Variants in LYSMD4 observed in about 807,000 individuals in gnomAD.
The protein encoded by LYSMD4 is LysM domain containing 4, also known as lysM and putative peptidoglycan-binding domain-containing protein 4.
A neutral mutation model predicts 6.1 loss-of-function variants in LYSMD4; 9 were observed. The observed-to-expected ratio is 1.47, with a 90% confidence interval of 0.88 to 2.56. The LOEUF (loss-of-function observed/expected upper bound fraction) is 2.56. Ranked by LOEUF, LYSMD4 falls within the 30% of genes most tolerant of loss-of-function variation. The probability of loss-of-function intolerance (pLI) is 0.00; values close to 1 mark genes in which losing one functional copy is unlikely to be tolerated. For synonymous variants in LYSMD4, 143 were observed against 148.5 expected (o/e 0.96, Z 0.27); for missense variants, 384 against 373.5 (o/e 1.03, Z -0.23).
downstream of LYSMD4, among the ~76,000 whole-genome samples, chr15:99,723,583 C>T (rs1181564328): frequency 6.6e-6 from 1 of 152,210 alleles, no homozygotes; most frequent in Non-Finnish European, 1.5e-5. Context: ...CTGGCCTGAG[C>T]GTGCCCCTGG....
At position 99,733,378 on chromosome 15, in the gene LYSMD4, GGCGACTC is replaced by G. The variant is rs999052912; in HGVS notation, c.-49_-43del. The G allele has an allele frequency of 3.5e-5, 14 of 395,212 alleles. No homozygotes were observed. Among genetic ancestry groups the G allele is most frequent in the African/African-American group, 2.1e-4 (10 of 48,376 alleles). 24.5% of individuals were successfully genotyped at this position (395,212 alleles called of 1,614,324 possible). ...CCAGGCTCCGCCGCGACCGGCGACCGGCGACTCGCGACCCGCGACCCGCGACCCGCAG... is the reference window on the plus strand; with the variant it reads ...CCAGGCTCCGCCGCGACCGGCGACCGGCGACCCGCGACCCGCGACCCGCAG... On this transcript the variant is annotated 5_prime_UTR_variant, in exon 1 of 3. Coordinates refer to ENST00000684762, the MANE Select transcript of LYSMD4 (RefSeq NM_001284417.2).
chr15:99,731,975 T>C lies in LYSMD4; in HGVS notation c.25A>G (p.Lys9Glu). 6.3e-7 allele frequency: 1 copy of C among 1,589,394 alleles called. No individual in the cohort carries two copies. The highest frequency in any genetic ancestry group is 2.3e-5 in the East Asian group (1 of 44,228). The change falls in exon 2 of 3, where the codon AAG (lysine) becomes GAG (glutamate). Residue 9 changes from lysine to glutamate, a missense_variant. Physicochemically the swap from Lys to Glu is moderately conservative, Grantham distance 56. Coordinates refer to ENST00000684762, the MANE Select transcript of LYSMD4 (RefSeq NM_001284417.2). ...ACAACAGCTGGGCCTTGGAAGGTCT[T>C]GGTTAACAATTCCTCGTGCCTCATT... The part of the protein sequence containing the change: MRHEELLT[K>E]TFQGPAVVCG...
chr15:99,731,901 C>T lies in LYSMD4; in HGVS notation c.99G>A (p.Gly33=). The change falls in exon 2 of 3, where the codon GGG becomes GGA. Residue 33 remains glycine (G), a synonymous_variant. Transcript: ENST00000684762. ...CTTCTTCAGAAGAGTCCCCCGAGTCCCCACTGCCATTCTTAAACATGTATA... is the reference window on the plus strand; with the variant it reads ...CTTCTTCAGAAGAGTCCCCCGAGTCTCCACTGCCATTCTTAAACATGTATA... ...SHVYMFKNGS[G]DSGDSSEEES... 1 of 1,613,576 alleles carries T rather than the reference C, an allele frequency of 6.2e-7. No homozygotes were observed. Among genetic ancestry groups the T allele is most frequent in the Middle Eastern group, 1.7e-4 (1 of 6,048 alleles).
intron 1 of LYSMD4, chr15:99,733,036 A>C: frequency 3.5e-6 from 1 of 286,998 alleles, no homozygotes; most frequent in Non-Finnish European, 6.5e-6. Flanking sequence ...CTTCTGCGAA[A>C]AGATGGGGCA....
chr15:99,716,418 A>G (rs769332815), exon 1 of LYSMD4: 19 of 435,136 alleles, frequency 4.4e-5, no homozygotes, highest in Admixed American at 2.5e-4. Flanking sequence ...GGTGAAGACA[A>G]TGCTAAAGGT....
Position 99,731,964 on chromosome 15 carries a change from T to C in LYSMD4, c.36A>G (p.Gln12=). 1 of 1,599,606 alleles carries C rather than the reference T, an allele frequency of 6.3e-7. No individual in the cohort carries two copies. The highest frequency in any genetic ancestry group is 2.2e-5 in the East Asian group (1 of 44,526). ...RHEELLTKTF[Q]GPAVVCGTPT... is the part of the protein sequence containing the mutation. ...GAGTCCCACACACAACAGCTGGGCC[T>C]TGGAAGGTCTTGGTTAACAATTCCT... Residue 12 remains glutamine, a synonymous_variant, in exon 2 of 3, where the codon CAA becomes CAG. Coordinates refer to ENST00000684762, the MANE Select transcript of LYSMD4 (RefSeq NM_001284417.2).
chr15:99,716,624 T>C (rs1177462077), exon 1 of LYSMD4: 3 of 456,564 alleles, frequency 6.6e-6, no homozygotes, highest in Non-Finnish European at 1.3e-5. Context: ...TTTCTCTGGG[T>C]TGAGACAGGG....
In LYSMD4 at chr15:99,728,906, G is replaced by A. The variant is rs894263454; in HGVS notation, c.*217C>T. On this transcript the variant is annotated 3_prime_UTR_variant, in exon 3 of 3. Transcript: ENST00000684762. ...ATGGCTCTCTTGCTGCACCTCTCTG[G>A]ATAGGGGCCGAGGTCGCTGCTGTTT... is the stretch of plus-strand genomic sequence containing the variant. The A allele has an allele frequency of 4.8e-6, 3 of 619,038 alleles. No homozygotes were observed. Among genetic ancestry groups the A allele is most frequent in the Non-Finnish European group, 8.4e-6 (3 of 357,476 alleles). The allele number at this position is 619,038 out of a possible 1,614,324, so 38.3% of individuals were successfully genotyped here. A position where few individuals can be genotyped will look rare whatever the true frequency, so the allele number is the denominator to read the frequency against.
At chr15:99,716,489 C>T (rs1190892979) in exon 1 of LYSMD4, 6 of 456,708 alleles carry the variant, frequency 1.3e-5, no homozygotes, top group South Asian at 3.1e-5. Flanking sequence ...TCTTCCTGTG[C>T]GTCGAGACTC....
At chr15:99,721,241 T>C (rs1328338054), upstream of LYSMD4, among the ~76,000 whole-genome samples, 1 of 152,124 alleles carries the variant, frequency 6.6e-6, no homozygotes, top group Non-Finnish European at 1.5e-5. Flanking sequence ...AGAAGATCTG[T>C]AGATGATGCA....
At chr15:99,730,540 G>A (rs186364875) in intron 2 of LYSMD4, among the ~76,000 whole-genome samples, 1 of 152,188 alleles carries the variant, frequency 6.6e-6, no homozygotes, top group Non-Finnish European at 1.5e-5. Flanking sequence ...ACTTAAACTA[G>A]AAAGTGAATA....
chr15:99,731,544 G>C, intron 2 of LYSMD4, 174 bp downstream of exon 2: 1 of 1,542,654 alleles, frequency 6.5e-7, no homozygotes, highest in Non-Finnish European at 8.7e-7. Flanking sequence ...GGGAACTAAA[G>C]GTACTCCCAC....
Position 99,729,202 on chromosome 15 carries a change from G to T in LYSMD4, c.812C>A (p.Ala271Asp), listed in dbSNP as rs939619529. ...SMAMGTVPGQ[A>D]PRLAVAVPAV... ...TGGCACTGCAACTGCTAGTCTGGGG[G>T]CTTGCCCTGGAACTGTACCCATTGC... is the stretch of plus-strand genomic sequence containing the variant. The change falls in exon 3 of 3, where the codon GCC (alanine) becomes GAC (aspartate). Residue 271 changes from alanine (A) to aspartate (D), a missense_variant. Physicochemically the swap from Ala to Asp is moderately radical, Grantham distance 126 (BLOSUM62 -2). Transcript: ENST00000684762. 1 of 1,614,142 alleles carries T rather than the reference G, an allele frequency of 6.2e-7. No individual in the cohort carries two copies. The highest frequency in any genetic ancestry group is 1.3e-5 in the African/African-American group (1 of 74,950).
At chr15:99,724,980 G>A (rs756980401), downstream of LYSMD4, among the ~76,000 whole-genome samples, 4 of 152,172 alleles carry the variant, frequency 2.6e-5, no homozygotes, top group Non-Finnish European at 4.4e-5. Context: ...ACCAGACTTG[G>A]AGAACAGGCA....
rs968940796 is a variant in LYSMD4, at chr15:99,728,721, G to A, written c.*402C>T. The A allele has an allele frequency of 4.5e-6, 1 of 223,998 alleles. No homozygotes were observed. Among genetic ancestry groups the A allele is most frequent in the Non-Finnish European group, 9.1e-6 (1 of 110,012 alleles). The allele number at this position is 223,998 out of a possible 1,614,324, so 13.9% of individuals were successfully genotyped here. The stretch of plus-strand genomic sequence containing the variant: ...AGCCAATCCCCGCTCCACAGGAAGT[G>A]AGGATACAGCAAGAGCCAGGCAAGC... On this transcript the variant is annotated 3_prime_UTR_variant, in exon 3 of 3. Coordinates refer to ENST00000684762, the MANE Select transcript of LYSMD4 (RefSeq NM_001284417.2).
At chr15:99,718,390 T>G (rs543087444), upstream of LYSMD4, among the ~76,000 whole-genome samples, 9 of 151,882 alleles carry the variant, frequency 5.9e-5, no homozygotes, top group African/African-American at 1.7e-4. Flanking sequence ...AAAGTTTCTC[T>G]CCCTTTGTAA....
chr15:99,722,563 G>A (rs1374636317), downstream of LYSMD4, among the ~76,000 whole-genome samples: 5 of 152,218 alleles, frequency 3.3e-5, no homozygotes, highest in Non-Finnish European at 7.3e-5. Context: ...GGAGGCAGAT[G>A]GAGGGAGAGA....
upstream of LYSMD4, among the ~76,000 whole-genome samples, chr15:99,718,356 T>A (rs2059208940): frequency 6.6e-6 from 1 of 152,226 alleles, no homozygotes; most frequent in Admixed American, 6.5e-5. Flanking sequence ...GTTCAGTGGT[T>A]TTTACAGGGT....
At chr15:99,727,117 G>C (rs78472555), downstream of LYSMD4, among the ~76,000 whole-genome samples, 32,370 of 152,152 alleles carry the variant, frequency 0.21, 3,612 homozygotes, top group East Asian at 0.31. Context: ...GCTCACGTCT[G>C]TAATCCTAGC....
Sources: allele counts gnomAD v4.1 joint callset (sites outside exome capture counted in the v4.1 genomes callset), GRCh38; gene constraint gnomAD v4.1.1; transcripts MANE v1.5; gene names NCBI Gene and HGNC (gene_info 2026-07-23, HGNC 2026-07-21).